The following EDNRB variants were observed in gnomAD, a reference collection of about 807,000 sequenced individuals.
EDNRB encodes Hirschsprung disease 2.
EDNRB carries 18 observed loss-of-function variants against 46.4 expected under a neutral mutation model. That is an observed-to-expected ratio of 0.39 (90% confidence interval 0.27 to 0.57). EDNRB has a LOEUF of 0.57. Among genes scored for constraint, EDNRB ranks in the 20% least tolerant of loss-of-function variants. The pLI is 0.61. For synonymous variants in EDNRB, 213 were observed against 204.9 expected, an observed-to-expected ratio of 1.04 and a Z score of -0.34; for missense variants, 434 against 537.5, an observed-to-expected ratio of 0.81 and a Z score of 1.90.
chr13:77,896,667 T>C lies in EDNRB; in HGVS notation c.*1533A>G, dbSNP rs1878644392. The stretch of plus-strand genomic sequence containing the variant: ...ACTCTGAGAACATTGCACTGTGTTT[T>C]GCTGGAACAAAATCAGGACCTTTTG... On this transcript the variant is annotated 3_prime_UTR_variant, in exon 7 of 7. Transcript: ENST00000646607. 2 of 1,469,214 alleles carry C rather than the reference T, an allele frequency of 1.4e-6. No individual in the cohort carries two copies. 91.0% of individuals were successfully genotyped at this position (1,469,214 alleles called of 1,614,324 possible).
intron 1 of EDNRB, among the ~76,000 whole-genome samples, chr13:77,952,179 T>C (rs1172866534): frequency 6.6e-6 from 1 of 152,140 alleles, no homozygotes; most frequent in Non-Finnish European, 1.5e-5. Context: ...AAAGAACAGC[T>C]ACTCCATAGA....
intron 1 of EDNRB, among the ~76,000 whole-genome samples, chr13:77,938,135 G>A (rs1421324346): frequency 6.6e-6 from 1 of 152,088 alleles, no homozygotes. Context: ...CACAGGCTAA[G>A]GGAGAAGCAG....
chr13:77,929,596 T>C (rs7333372), intron 1 of EDNRB, among the ~76,000 whole-genome samples: 84,599 of 152,074 alleles, frequency 0.56, 24,312 homozygotes, highest in Middle Eastern at 0.68. Context: ...TGCTGGTTCA[T>C]GCCCTGAAAA....
intron 1 of EDNRB, among the ~76,000 whole-genome samples, chr13:77,925,046 T>C (rs939084021): frequency 2.0e-5 from 3 of 152,200 alleles, no homozygotes; most frequent in Non-Finnish European, 4.4e-5. Flanking sequence ...AAAGAACAAC[T>C]CCCCATTTCT....
At chr13:77,932,523 G>C (rs955991112) in intron 1 of EDNRB, among the ~76,000 whole-genome samples, 3 of 152,110 alleles carry the variant, frequency 2.0e-5, no homozygotes, top group African/African-American at 7.2e-5. Flanking sequence ...TGTTAAACAT[G>C]GTAATAATAC....
chr13:77,897,716 T>C lies in EDNRB; in HGVS notation c.*484A>G, dbSNP rs1878706618. On this transcript the variant is annotated 3_prime_UTR_variant, in exon 7 of 7. Transcript: ENST00000646607. Reference sequence around the variant, plus strand: ...TTTGCATCTAATTACAATCTGATAATAGTGTGATAATATTAATTGAAAAGT... The same window carrying C: ...TTTGCATCTAATTACAATCTGATAACAGTGTGATAATATTAATTGAAAAGT... The C allele has an allele frequency of 3.0e-6, 3 of 986,264 alleles. No individual in the cohort carries two copies. Among genetic ancestry groups the C allele is most frequent in the Non-Finnish European group, 3.6e-6 (3 of 829,270 alleles). The allele number at this position is 986,264 out of a possible 1,614,324, so 61.1% of individuals were successfully genotyped here. A position where few individuals can be genotyped will look rare whatever the true frequency, so the allele number is the denominator to read the frequency against.
At chr13:77,974,376 T>C (rs1356418046) in intron 1 of EDNRB, among the ~76,000 whole-genome samples, 1 of 152,182 alleles carries the variant, frequency 6.6e-6, no homozygotes, top group Non-Finnish European at 1.5e-5. Flanking sequence ...ATTTGGGCCA[T>C]CCACGGGCTA....
Position 77,897,838 on chromosome 13 carries a change from C to T in EDNRB, c.*362G>A. On this transcript the variant is annotated 3_prime_UTR_variant, in exon 7 of 7. Coordinates refer to ENST00000646607, the MANE Select transcript of EDNRB (RefSeq NM_001122659.3). ...TTATTCTTCCTTTATATCAGAGTCC[C>T]ATTGATTTAAAAATAAATCTCTTTT... 2 of 1,022,410 alleles carry T rather than the reference C, an allele frequency of 2.0e-6. No individual in the cohort carries two copies. Among genetic ancestry groups the T allele is most frequent in the Admixed American group, 5.4e-5 (1 of 18,408 alleles). The allele number at this position is 1,022,410 out of a possible 1,614,324, so 63.3% of individuals were successfully genotyped here.
intron 1 of EDNRB, among the ~76,000 whole-genome samples, chr13:77,969,706 G>C (rs1449295660): frequency 1.3e-5 from 2 of 152,180 alleles, no homozygotes; most frequent in East Asian, 3.8e-4. Context: ...ATTTTATTCA[G>C]TAGGGATAAT....
Position 77,896,354 on chromosome 13 carries a change from G to C in EDNRB, c.*1846C>G. On this transcript the variant is annotated 3_prime_UTR_variant, in exon 7 of 7. Coordinates refer to ENST00000646607, the MANE Select transcript of EDNRB (RefSeq NM_001122659.3). ...ATTGAGAGTCTAAAATGACTTCTAT[G>C]ATAACAGGCCTCTGAAAAAGTGATT... The C allele has an allele frequency of 7.2e-7, 1 of 1,380,656 alleles. No homozygotes were observed. Among genetic ancestry groups the C allele is most frequent in the Non-Finnish European group, 9.6e-7 (1 of 1,045,512 alleles). The allele number at this position is 1,380,656 out of a possible 1,614,324, so 85.5% of individuals were successfully genotyped here. A position where few individuals can be genotyped will look rare whatever the true frequency, so the allele number is the denominator to read the frequency against.
At chr13:77,969,012 G>T (rs1019256812) in intron 1 of EDNRB, among the ~76,000 whole-genome samples, 2 of 152,100 alleles carry the variant, frequency 1.3e-5, no homozygotes, top group East Asian at 1.9e-4. Flanking sequence ...ACATCCATTG[G>T]TCTTAAAGTA....
chr13:77,899,995 T>C lies in EDNRB; in HGVS notation c.1086-28A>G, dbSNP rs1878854536. ...GCAACAAAATAACCCAAAATGTGTCTGAAAAATATGCTATTCTGAACATGT... is the reference window on the plus strand; with the variant it reads ...GCAACAAAATAACCCAAAATGTGTCCGAAAAATATGCTATTCTGAACATGT... On this transcript the variant is annotated intron_variant, in intron 5 of 6. Transcript: ENST00000646607. 12 of 1,573,092 alleles carry C rather than the reference T, an allele frequency of 7.6e-6. No individual in the cohort carries two copies. The Middle Eastern group carries it at 5.2e-4, about 68-fold the overall frequency.
At chr13:77,942,012 A>G (rs1027041241) in intron 1 of EDNRB, among the ~76,000 whole-genome samples, 2 of 152,178 alleles carry the variant, frequency 1.3e-5, no homozygotes, top group East Asian at 1.9e-4. Flanking sequence ...TGACCTGCAA[A>G]TGTTCTGCCT....
chr13:77,959,845 G>T (rs1407034495), intron 1 of EDNRB, among the ~76,000 whole-genome samples: 1 of 152,154 alleles, frequency 6.6e-6, no homozygotes, highest in Non-Finnish European at 1.5e-5. Context: ...GTCCTTAAAT[G>T]ACATGATGGC....
intron 1 of EDNRB, among the ~76,000 whole-genome samples, chr13:77,911,173 C>T (rs1334701581): frequency 2.0e-5 from 3 of 152,024 alleles, no homozygotes; most frequent in Non-Finnish European, 4.4e-5. Context: ...TATTAGTTCA[C>T]TTATCTGAGC....
intron 1 of EDNRB, among the ~76,000 whole-genome samples, chr13:77,945,901 A>AAAAAAAAAAAC (rs1391892820): frequency 3.3e-5 from 5 of 150,708 alleles, no homozygotes; most frequent in Non-Finnish European, 5.9e-5. Flanking sequence ...AAACAAAAAA[A>AAAAAAAAAAAC]ACACACAATC....
At chr13:77,926,213 T>C (rs1342671532) in intron 1 of EDNRB, among the ~76,000 whole-genome samples, 2 of 152,196 alleles carry the variant, frequency 1.3e-5, no homozygotes, top group African/African-American at 4.8e-5. Context: ...TTGCTACTTA[T>C]GTCAATTTCT....
At chr13:77,943,664 T>G (rs530605118) in intron 1 of EDNRB, among the ~76,000 whole-genome samples, 2 of 152,224 alleles carry the variant, frequency 1.3e-5, no homozygotes, top group African/African-American at 4.8e-5. Context: ...TCTTGACTTA[T>G]GAAATCTAAT....
At chr13:77,938,313 G>A (rs1249515228) in intron 1 of EDNRB, among the ~76,000 whole-genome samples, 2 of 151,904 alleles carry the variant, frequency 1.3e-5, no homozygotes, top group Non-Finnish European at 2.9e-5. Context: ...AGAGGTCACA[G>A]CAGAGAAATA....
Sources: gnomAD v4.1 joint callset for allele counts (sites outside exome capture counted in the v4.1 genomes callset) on GRCh38, gnomAD v4.1.1 for gene constraint, MANE v1.5 for transcripts, NCBI Gene and HGNC (gene_info 2026-07-23, HGNC 2026-07-21) for gene names.